The following LRRTM4 variants were observed in gnomAD, a reference collection of about 807,000 sequenced individuals.
LRRTM4 encodes the protein leucine-rich repeat transmembrane neuronal protein 4.
A neutral mutation model predicts 47.6 loss-of-function variants in LRRTM4; 25 were observed. That is an observed-to-expected ratio of 0.53 (90% confidence interval 0.38 to 0.73). The LOEUF (loss-of-function observed/expected upper bound fraction) is 0.73, where lower values mean the gene tolerates loss of function less well. Ranked by LOEUF, LRRTM4 falls within the 30% of genes least tolerant of loss-of-function variation. The probability of loss-of-function intolerance (pLI) is 0.00; values close to 1 mark genes in which losing one functional copy is unlikely to be tolerated. For missense variants in LRRTM4, 638 were observed against 713.4 expected, an observed-to-expected ratio of 0.89 and a Z score of 1.20; for synonymous variants, 311 against 269.5, an observed-to-expected ratio of 1.15 and a Z score of -1.51.
chr2:76,780,258 G>A (rs931512527), intron 3 of LRRTM4, among the ~76,000 whole-genome samples: 16 of 152,126 alleles, frequency 1.1e-4, no homozygotes, highest in Admixed American at 1.0e-3. Context: ...CTCTTCTCGA[G>A]GAGTATCTTT....
At chr2:77,340,877 A>G (rs1255667552) in intron 3 of LRRTM4, among the ~76,000 whole-genome samples, 1 of 151,970 alleles carries the variant, frequency 6.6e-6, no homozygotes, top group Non-Finnish European at 1.5e-5. Flanking sequence ...TTAGTTGGTG[A>G]GAGTATAGAC....
At chr2:76,904,799 A>G (rs1673766507) in intron 3 of LRRTM4, among the ~76,000 whole-genome samples, 4 of 152,204 alleles carry the variant, frequency 2.6e-5, no homozygotes, top group South Asian at 4.1e-4. Flanking sequence ...TATAATATAT[A>G]AGAATACCTA....
chr2:77,274,885 C>T (rs934572617), intron 3 of LRRTM4, among the ~76,000 whole-genome samples: 3 of 152,032 alleles, frequency 2.0e-5, no homozygotes, highest in African/African-American at 7.2e-5. Flanking sequence ...AGAAACAGAA[C>T]AAGGATTTGG....
chr2:77,085,884 G>A (rs1680693445), intron 3 of LRRTM4, among the ~76,000 whole-genome samples: 3 of 151,940 alleles, frequency 2.0e-5, no homozygotes, highest in African/African-American at 7.3e-5. Context: ...ATTTCCTGTT[G>A]GCCTATTTCT....
intron 3 of LRRTM4, among the ~76,000 whole-genome samples, chr2:76,763,030 C>T (rs935134775): frequency 9.9e-5 from 15 of 152,056 alleles, no homozygotes; most frequent in Non-Finnish European, 1.6e-4. Flanking sequence ...GAGAATAAAA[C>T]AAATGATAGA....
chr2:77,092,362 T>C (rs1008949158), intron 3 of LRRTM4, among the ~76,000 whole-genome samples: 9 of 151,356 alleles, frequency 5.9e-5, no homozygotes, highest in African/African-American at 2.2e-4. Flanking sequence ...GATTTATTGA[T>C]GGTGGTTCCA....
intron 3 of LRRTM4, among the ~76,000 whole-genome samples, chr2:76,972,863 G>C (rs540644063): frequency 6.6e-6 from 1 of 151,928 alleles, no homozygotes; most frequent in South Asian, 2.1e-4. Context: ...CTTTCACTAA[G>C]AATTTCACCA....
chr2:77,067,226 A>G (rs1442826322), intron 3 of LRRTM4, among the ~76,000 whole-genome samples: 1 of 149,222 alleles, frequency 6.7e-6, no homozygotes, highest in Non-Finnish European at 1.5e-5. Flanking sequence ...TGAAGAAAGA[A>G]AAGAATGGAC....
chr2:77,075,367 T>C (rs1290863859), intron 3 of LRRTM4, among the ~76,000 whole-genome samples: 3 of 152,182 alleles, frequency 2.0e-5, no homozygotes, highest in Non-Finnish European at 4.4e-5. Flanking sequence ...AAATCAGAGG[T>C]TAATTTTTAA....
chr2:77,445,106 C>T (rs1444743990), intron 3 of LRRTM4, among the ~76,000 whole-genome samples: 1 of 151,862 alleles, frequency 6.6e-6, no homozygotes, highest in Non-Finnish European at 1.5e-5. Flanking sequence ...TTCTATAAGG[C>T]AATTGTGTAT....
At chr2:76,851,294 C>T (rs912688242) in intron 3 of LRRTM4, among the ~76,000 whole-genome samples, 1 of 152,072 alleles carries the variant, frequency 6.6e-6, no homozygotes, top group African/African-American at 2.4e-5. Flanking sequence ...CTTCCAAGTG[C>T]AATAAAAAAA....
chr2:77,490,815 T>C (rs1678124154), intron 3 of LRRTM4, among the ~76,000 whole-genome samples: 1 of 152,170 alleles, frequency 6.6e-6, no homozygotes, highest in African/African-American at 2.4e-5. Context: ...GCAAACACCC[T>C]ATTGGAACCA....
At chr2:77,268,824 A>G (rs983776220) in intron 3 of LRRTM4, among the ~76,000 whole-genome samples, 9 of 152,134 alleles carry the variant, frequency 5.9e-5, no homozygotes, top group African/African-American at 2.2e-4. Context: ...TCTGTCATCT[A>G]GTGGTTTTCA....
intron 3 of LRRTM4, among the ~76,000 whole-genome samples, chr2:77,161,842 C>G (rs958371989): frequency 1.3e-5 from 2 of 151,858 alleles, no homozygotes; most frequent in African/African-American, 4.8e-5. Context: ...GATTAAAACT[C>G]TAGTATTTTG....
chr2:77,106,471 T>C (rs1475494456), intron 3 of LRRTM4, among the ~76,000 whole-genome samples: 1 of 152,130 alleles, frequency 6.6e-6, no homozygotes. Flanking sequence ...CTGCACTTAC[T>C]TTTTATCCTG....
At chr2:77,326,540 T>A (rs1276779212) in intron 3 of LRRTM4, among the ~76,000 whole-genome samples, 1 of 152,066 alleles carries the variant, frequency 6.6e-6, no homozygotes, top group Non-Finnish European at 1.5e-5. Flanking sequence ...ACTACAGGTA[T>A]GAGCCACCAT....
intron 3 of LRRTM4, among the ~76,000 whole-genome samples, chr2:76,791,454 A>G (rs1674968185): frequency 6.6e-6 from 1 of 152,192 alleles, no homozygotes. Flanking sequence ...TTAGAGGAAA[A>G]AATCCAAGAA....
chr2:77,216,192 G>C (rs1389243286), intron 3 of LRRTM4, among the ~76,000 whole-genome samples: 2 of 152,234 alleles, frequency 1.3e-5, no homozygotes, highest in East Asian at 3.9e-4. Flanking sequence ...TGGACAGTCA[G>C]GTGAAATATA....
chr2:77,239,816 G>A (rs1335121752), intron 3 of LRRTM4, among the ~76,000 whole-genome samples: 1 of 151,650 alleles, frequency 6.6e-6, no homozygotes, highest in Non-Finnish European at 1.5e-5. Context: ...TTTGGTTGAG[G>A]TCTTCAGTAC....
Sources: gnomAD v4.1 joint callset for allele counts (sites outside exome capture counted in the v4.1 genomes callset) on GRCh38, gnomAD v4.1.1 for gene constraint, MANE v1.5 for transcripts, NCBI Gene and HGNC (gene_info 2026-07-23, HGNC 2026-07-21) for gene names.